The following FRMD4B variants were observed in gnomAD, a reference collection of about 807,000 sequenced individuals.
FRMD4B encodes the protein FERM domain containing 4B.
A neutral mutation model predicts 141.5 loss-of-function variants in FRMD4B; 74 were observed. The ratio of observed to expected loss-of-function variants is 0.52; its 90% CI spans 0.43 to 0.63. The LOEUF (loss-of-function observed/expected upper bound fraction) is 0.63. Among genes scored for constraint, FRMD4B ranks in the 30% least tolerant of loss-of-function variants. The probability of loss-of-function intolerance (pLI) is 0.00; values close to 1 mark genes in which losing one functional copy is unlikely to be tolerated. For synonymous variants in FRMD4B, 506 were observed against 467.9 expected (o/e 1.08, Z -1.05); for missense variants, 1,366 against 1,253.4 (o/e 1.09, Z -1.36).
rs1240947662 is a variant in FRMD4B at position 69,225,728 on chromosome 3, AGAGG to A, written c.582-1042_582-1039del. On this transcript the variant is annotated intron_variant, in intron 7 of 22. Transcript: ENST00000398540. ...AAAAAAAAAAAAAAAAAAAAAAAAA[AGAGG>A]GAGAACACGTAATACTACCCAGTCA... 3.7e-4 allele frequency among the ~76,000 whole-genome samples: 17 copies of A among 45,900 alleles called. 5 individuals carry two copies. The highest frequency in any genetic ancestry group is 2.3e-3 in the South Asian group (2 of 886). 30.1% of individuals were successfully genotyped at this position (45,900 alleles called of 152,430 possible).
At chr3:69,488,350 G>T (rs1263101325) in intron 1 of FRMD4B, among the ~76,000 whole-genome samples, 1 of 152,118 alleles carries the variant, frequency 6.6e-6, no homozygotes, top group African/African-American at 2.4e-5. Flanking sequence ...CCAGAGCTTG[G>T]CTCTGTGAAG....
intron 1 of FRMD4B, among the ~76,000 whole-genome samples, chr3:69,361,099 C>G (rs1282581828): frequency 6.6e-6 from 1 of 152,086 alleles, no homozygotes; most frequent in Non-Finnish European, 1.5e-5. Flanking sequence ...TGCATTTTGT[C>G]ATTATGAACA....
At chr3:69,250,472 AT>A (rs2093456910) in intron 5 of FRMD4B, among the ~76,000 whole-genome samples, 1 of 152,126 alleles carries the variant, frequency 6.6e-6, no homozygotes. Flanking sequence ...AATTTCCTAG[AT>A]TCATTTGTTG....
At chr3:69,216,740 T>G (rs900958110) in intron 10 of FRMD4B, among the ~76,000 whole-genome samples, 1 of 152,084 alleles carries the variant, frequency 6.6e-6, no homozygotes, top group Non-Finnish European at 1.5e-5. Flanking sequence ...ATTTCACCTC[T>G]TAACAAGTAT....
chr3:69,392,135 A>G (rs74352363), intron 2 of FRMD4B, among the ~76,000 whole-genome samples: 2,243 of 152,328 alleles, frequency 0.015, 24 homozygotes, highest in Admixed American at 0.025. Context: ...AAAATTACGT[A>G]TTGAGTTCGC....
intron 1 of FRMD4B, among the ~76,000 whole-genome samples, chr3:69,476,194 G>A (rs967467395): frequency 6.6e-6 from 1 of 151,520 alleles, no homozygotes; most frequent in African/African-American, 2.4e-5. Flanking sequence ...CTGTGCAGAA[G>A]CTCTTTAGTT....
At chr3:69,198,415 T>G (rs1032396065) in intron 12 of FRMD4B, 1 of 381,420 alleles carries the variant, frequency 2.6e-6, no homozygotes, top group Non-Finnish European at 4.8e-6. Context: ...AAACTATACA[T>G]GCACACAAAA....
intron 1 of FRMD4B, among the ~76,000 whole-genome samples, chr3:69,371,005 G>A (rs1485027641): frequency 2.0e-5 from 3 of 152,202 alleles, no homozygotes; most frequent in East Asian, 1.9e-4. Flanking sequence ...TATGAATAAC[G>A]TTCTGGCAGG....
At chr3:69,222,270 A>C (rs2107749177) in intron 8 of FRMD4B, among the ~76,000 whole-genome samples, 1 of 152,080 alleles carries the variant, frequency 6.6e-6, no homozygotes, top group Non-Finnish European at 1.5e-5. Flanking sequence ...GATTGAGACC[A>C]TTCTGGCTAA....
chr3:69,482,331 C>T (rs529308086), intron 1 of FRMD4B, among the ~76,000 whole-genome samples: 1 of 152,268 alleles, frequency 6.6e-6, no homozygotes, highest in South Asian at 2.1e-4. Context: ...TATCACAGAA[C>T]TTAGTAAACT....
intron 1 of FRMD4B, among the ~76,000 whole-genome samples, chr3:69,454,625 C>G (rs1705557590): frequency 6.6e-6 from 1 of 152,200 alleles, no homozygotes; most frequent in Non-Finnish European, 1.5e-5. Context: ...GCACTGCCGG[C>G]CCGCCCACGC....
chr3:69,180,520 G>A (rs1404732509), intron 21 of FRMD4B, among the ~76,000 whole-genome samples: 1 of 151,920 alleles, frequency 6.6e-6, no homozygotes, highest in African/African-American at 2.4e-5. Flanking sequence ...GCCTGTCAAC[G>A]TAAATCCTAA....
Position 69,169,064 on chromosome 3 carries a change from CA to C in FRMD4B, c.*2796del, listed in dbSNP as rs2092562546. The stretch of plus-strand genomic sequence containing the variant: ...TGGACTTTAAAAAAATTACTATATG[CA>C]TAGAAAAAAATCCAAACAAATATAC... On this transcript the variant is annotated 3_prime_UTR_variant, in exon 23 of 23. Coordinates refer to ENST00000398540, the MANE Select transcript of FRMD4B (RefSeq NM_015123.3). Among the ~76,000 whole-genome samples the C allele has an allele frequency of 1.5e-5, 2 of 137,334 alleles. No individual in the cohort carries two copies. Among genetic ancestry groups the C allele is most frequent in the Non-Finnish European group, 3.2e-5 (2 of 63,014 alleles). 90.1% of individuals were successfully genotyped at this position (137,334 alleles called of 152,430 possible). A position where few individuals can be genotyped will look rare whatever the true frequency, so the allele number is the denominator to read the frequency against.
chr3:69,385,727 TAAG>T (rs1704234737), intron 1 of FRMD4B, 98 bp downstream of exon 1: 2 of 1,051,360 alleles, frequency 1.9e-6, no homozygotes, highest in East Asian at 3.0e-5. Flanking sequence ...GCTAGGAGTT[TAAG>T]AAGAGCTGGG....
At chr3:69,466,623 T>A (rs959718940) in intron 1 of FRMD4B, among the ~76,000 whole-genome samples, 1 of 152,244 alleles carries the variant, frequency 6.6e-6, no homozygotes, top group Non-Finnish European at 1.5e-5. Flanking sequence ...ATGATAATCA[T>A]ACATTTTGCC....
chr3:69,503,921 T>C (rs1185308191), intron 1 of FRMD4B, among the ~76,000 whole-genome samples: 1 of 152,156 alleles, frequency 6.6e-6, no homozygotes, highest in Non-Finnish European at 1.5e-5. Flanking sequence ...CTAAATGCAC[T>C]ACATCCAGTC....
intron 1 of FRMD4B, among the ~76,000 whole-genome samples, chr3:69,540,968 ATGACATATGAAAGTGCGTC>A (rs1356592577): frequency 6.6e-6 from 1 of 152,130 alleles, no homozygotes; most frequent in African/African-American, 2.4e-5. Flanking sequence ...CAGCATGTGT[ATGACATATGAAAGTGCGTC>A]TTGATGAGGT....
chr3:69,318,052 G>A (rs1701864130), intron 1 of FRMD4B, among the ~76,000 whole-genome samples: 1 of 152,130 alleles, frequency 6.6e-6, no homozygotes, highest in Non-Finnish European at 1.5e-5. Context: ...GCTCACTGTA[G>A]CTTCGACCTC....
intron 2 of FRMD4B, among the ~76,000 whole-genome samples, chr3:69,396,734 C>T (rs1191845027): frequency 6.6e-6 from 1 of 152,118 alleles, no homozygotes; most frequent in African/African-American, 2.4e-5. Flanking sequence ...CATCTTCATA[C>T]ATTACTAGTG....
Sources: allele counts gnomAD v4.1 joint callset (sites outside exome capture counted in the v4.1 genomes callset), GRCh38; gene constraint gnomAD v4.1.1; transcripts MANE v1.5; gene names NCBI Gene and HGNC (gene_info 2026-07-23, HGNC 2026-07-21).